MAOB: variants seen among roughly 807,000 people sequenced by gnomAD.
MAOB encodes monoamine oxidase B, also known as amine oxidase [flavin-containing] B.
Under a neutral mutation model 41.9 loss-of-function variants are expected in MAOB, and 15 were observed. That is an observed-to-expected ratio of 0.36 (90% confidence interval 0.24 to 0.55). The LOEUF (loss-of-function observed/expected upper bound fraction) is 0.55. Among genes scored for constraint, MAOB ranks in the 20% least tolerant of loss-of-function variants. The pLI, the probability that MAOB is intolerant of heterozygous loss-of-function variation, is 0.86. For synonymous variants in MAOB, 167 were observed against 144.2 expected, an observed-to-expected ratio of 1.16 and a Z score of -1.13; for missense variants, 345 against 398.7, an observed-to-expected ratio of 0.87 and a Z score of 1.15.
intron 8 of MAOB, among the ~76,000 whole-genome samples, chrX:43,791,928 T>C (rs1006161431): frequency 5.0e-4 from 56 of 112,064 alleles, no homozygotes; most frequent in African/African-American, 1.8e-3. Flanking sequence ...CCTGCAATGT[T>C]CTGCCCAATT....
intron 12 of MAOB, among the ~76,000 whole-genome samples, chrX:43,773,190 G>C (rs1306461566): frequency 2.7e-5 from 3 of 111,558 alleles, no homozygotes; most frequent in Non-Finnish European, 5.7e-5. Flanking sequence ...CAACCCTCAG[G>C]TGGTATGTGC....
At chrX:43,803,978 A>G (rs1318136627) in intron 3 of MAOB, among the ~76,000 whole-genome samples, 1 of 111,629 alleles carries the variant, frequency 9.0e-6, no homozygotes, top group African/African-American at 3.3e-5. Context: ...CTTCTCTTCT[A>G]GACATGTTAT....
intron 3 of MAOB, among the ~76,000 whole-genome samples, chrX:43,820,161 T>C (rs899963448): frequency 1.8e-5 from 2 of 112,257 alleles, no homozygotes; most frequent in African/African-American, 6.5e-5. Context: ...CTTCCATGCA[T>C]TTTTAACATG....
intron 3 of MAOB, among the ~76,000 whole-genome samples, chrX:43,834,492 C>A (rs1190092853): frequency 8.9e-6 from 1 of 112,080 alleles, no homozygotes; most frequent in African/African-American, 3.2e-5. Context: ...TACTCTAATC[C>A]TGTTGCTGTT....
intron 1 of MAOB, among the ~76,000 whole-genome samples, chrX:43,859,618 A>G (rs2035319218): frequency 9.0e-6 from 1 of 111,201 alleles, no homozygotes; most frequent in African/African-American, 3.3e-5. Context: ...TTTACCTCCT[A>G]TGACTTAAAT....
intron 1 of MAOB, among the ~76,000 whole-genome samples, chrX:43,867,679 A>G (rs1171788606): frequency 8.9e-6 from 1 of 112,307 alleles, no homozygotes; most frequent in African/African-American, 3.2e-5. Flanking sequence ...TCCTTTTCTT[A>G]TCATGCGTAC....
chrX:43,836,882 C>T (rs1394358647), intron 3 of MAOB, among the ~76,000 whole-genome samples: 2 of 112,549 alleles, frequency 1.8e-5, no homozygotes, highest in Admixed American at 9.4e-5. Flanking sequence ...ATTTTCCTAA[C>T]TGCACATAGA....
At position 43,857,273 on chromosome X, in the gene MAOB, C is replaced by T. The variant is rs1042033004; in HGVS notation, c.47-13509G>A. ...TCAGCTCACCGCAACCTCTACCTCC[C>T]GGGTTCAAGCCATTCTCCTGTCTCA... On this transcript the variant is annotated intron_variant, in intron 1 of 14. Transcript: ENST00000378069. Among the ~76,000 whole-genome samples the T allele has an allele frequency of 8.1e-4, 85 of 104,355 alleles. 1 individual carries two copies. Among genetic ancestry groups the T allele is most frequent in the Non-Finnish European group, 4.9e-4 (25 of 51,102 alleles). The allele number at this position is 104,355 out of a possible 115,157, so 90.6% of individuals were successfully genotyped here.
chrX:43,836,798 T>C (rs1370881379), intron 3 of MAOB, among the ~76,000 whole-genome samples: 1 of 112,541 alleles, frequency 8.9e-6, no homozygotes, highest in African/African-American at 3.2e-5. Context: ...GTAAGACTTA[T>C]TTTAAATATA....
At chrX:43,870,468 C>A (rs1047895972) in intron 1 of MAOB, among the ~76,000 whole-genome samples, 2 of 111,264 alleles carry the variant, frequency 1.8e-5, no homozygotes, top group African/African-American at 6.5e-5. Flanking sequence ...TAAGCACCGT[C>A]TCCAGGCCCT....
intron 1 of MAOB, among the ~76,000 whole-genome samples, chrX:43,852,358 G>C (rs1436356252): frequency 8.9e-6 from 1 of 112,273 alleles, no homozygotes; most frequent in African/African-American, 3.2e-5. Flanking sequence ...AGGAAATGCT[G>C]ATTTAAACAA....
intron 3 of MAOB, among the ~76,000 whole-genome samples, chrX:43,823,325 A>G (rs2034906495): frequency 9.2e-6 from 1 of 108,676 alleles, no homozygotes; most frequent in Admixed American, 9.8e-5. Context: ...GGTGTGTGCC[A>G]CCACACCCGG....
intron 8 of MAOB, among the ~76,000 whole-genome samples, chrX:43,783,355 T>C (rs1336817909): frequency 1.8e-5 from 2 of 111,829 alleles, no homozygotes; most frequent in East Asian, 5.7e-4. Flanking sequence ...GAGAAACAAT[T>C]TCAGCTCATC....
chrX:43,767,670 A>G (rs1355546241), intron 14 of MAOB, 52 bp from the exon 15 acceptor site: 1 of 1,114,160 alleles, frequency 9.0e-7, no homozygotes, highest in East Asian at 3.0e-5. Context: ...ACTTTATTCC[A>G]GAAAGTCTGT....
At chrX:43,868,637 A>C (rs2035380621) in intron 1 of MAOB, among the ~76,000 whole-genome samples, 1 of 111,435 alleles carries the variant, frequency 9.0e-6, no homozygotes, top group Non-Finnish European at 1.9e-5. Context: ...ACCCCTTATA[A>C]GGCCAGGAAT....
At position 43,882,194 on chromosome X, in the gene MAOB, C is replaced by T. The variant is rs907652420; in HGVS notation, c.46+60G>A. On this transcript the variant is annotated intron_variant, in intron 1 of 14. Transcript: ENST00000378069. Reference sequence around the variant, plus strand: ...CCCCACGGCCGCCCCCCGCGTCTCCCCCAGGCAGCCACCTGTCCGAGCGCG... The same window carrying T: ...CCCCACGGCCGCCCCCCGCGTCTCCTCCAGGCAGCCACCTGTCCGAGCGCG... The T allele has an allele frequency of 4.2e-6, 5 of 1,192,847 alleles. No individual in the cohort carries two copies. In the African/African-American group the frequency reaches 8.8e-5, roughly 21 times the overall value.
At chrX:43,879,266 T>C (rs143161510) in intron 1 of MAOB, among the ~76,000 whole-genome samples, 2 of 112,518 alleles carry the variant, frequency 1.8e-5, no homozygotes, top group East Asian at 5.6e-4. Flanking sequence ...AAGAAAGTTA[T>C]GTATTAACCA....
At chrX:43,831,346 C>T (rs1005274944) in intron 3 of MAOB, among the ~76,000 whole-genome samples, 2 of 110,876 alleles carry the variant, frequency 1.8e-5, no homozygotes, top group Admixed American at 9.7e-5. Flanking sequence ...GAGAGGAGCT[C>T]TTTATAAAAT....
chrX:43,840,657 G>C (rs1177270869), intron 2 of MAOB, among the ~76,000 whole-genome samples: 3 of 110,757 alleles, frequency 2.7e-5, no homozygotes, highest in Non-Finnish European at 3.8e-5. Context: ...AAGCAGGGTG[G>C]GGTGTCGCCT....
Sources: allele counts gnomAD v4.1 joint callset (sites outside exome capture counted in the v4.1 genomes callset), GRCh38; gene constraint gnomAD v4.1.1; transcripts MANE v1.5; gene names NCBI Gene and HGNC (gene_info 2026-07-23, HGNC 2026-07-21).